The following ME1 variants were observed in gnomAD, a reference collection of about 807,000 sequenced individuals.
ME1 encodes malic enzyme 1.
In ME1, 74 loss-of-function variants were observed where a neutral mutation model predicts 66.4. The observed-to-expected ratio is 1.11, with a 90% CI of 0.92 to 1.35. The LOEUF (loss-of-function observed/expected upper bound fraction) is 1.35. ME1 is among the 40% of genes most tolerant of loss of function. The pLI is 0.00. For missense variants in ME1, 750 were observed against 694.1 expected, an observed-to-expected ratio of 1.08 and a Z score of -0.90; for synonymous variants, 251 against 235.6, an observed-to-expected ratio of 1.07 and a Z score of -0.60.
chr6:83,253,669 C>G lies in ME1; in HGVS notation c.774G>C (p.Lys258Asn), dbSNP rs1055548844. 1 of 1,611,902 alleles carries G rather than the reference C, an allele frequency of 6.2e-7. No individual in the cohort carries two copies. Among genetic ancestry groups the G allele is most frequent in the African/African-American group, 1.3e-5 (1 of 74,852 alleles). The change falls in exon 7 of 14, where the codon AAG becomes AAC. Residue 258 changes from lysine (K) to asparagine (N), a missense_variant. Transcript: ENST00000369705. ...ANVNAFRLLN[K>N]YRNQYCTFND... ...TGAATGTGCAATACTGGTTTCGATA[C>G]TTGTTCAGGAGACGAAATGCATTCA...
intron 6 of ME1, among the ~76,000 whole-genome samples, chr6:83,255,742 T>C (rs1377696778): frequency 6.6e-6 from 1 of 152,102 alleles, no homozygotes; most frequent in African/African-American, 2.4e-5. Context: ...TTCTGTGCTT[T>C]CCCATTTTAT....
chr6:83,341,474 G>C (rs1418977021), intron 5 of ME1, among the ~76,000 whole-genome samples: 2 of 70,926 alleles, frequency 2.8e-5, no homozygotes, highest in African/African-American at 9.5e-5. Flanking sequence ...TGAAGAGTAC[G>C]TATACCTGTA....
chr6:83,350,971 C>CAAAAAAAAAAAAA (rs34259968), intron 4 of ME1, among the ~76,000 whole-genome samples: 1 of 55,794 alleles, frequency 1.8e-5, no homozygotes, highest in Non-Finnish European at 3.5e-5. Context: ...GTGGAGAAAG[C>CAAAAAAAAAAAAA]AAAAAAAAAA....
At chr6:83,334,318 C>G (rs1413751409) in intron 5 of ME1, among the ~76,000 whole-genome samples, 2 of 121,532 alleles carry the variant, frequency 1.6e-5, no homozygotes, top group African/African-American at 6.4e-5. Context: ...GGGTCCTACG[C>G]CCACGGAATC....
chr6:83,317,996 C>T (rs1178375301), intron 5 of ME1, among the ~76,000 whole-genome samples: 1 of 152,060 alleles, frequency 6.6e-6, no homozygotes, highest in Non-Finnish European at 1.5e-5. Flanking sequence ...GAAATAACGC[C>T]ACATATCTAC....
At chr6:83,257,140 A>G (rs1766788488) in intron 6 of ME1, among the ~76,000 whole-genome samples, 2 of 152,110 alleles carry the variant, frequency 1.3e-5, no homozygotes, top group African/African-American at 2.4e-5. Flanking sequence ...ATGTATACCT[A>G]TGTAACAAAC....
intron 6 of ME1, among the ~76,000 whole-genome samples, chr6:83,260,345 TA>T (rs959811341): frequency 5.3e-5 from 8 of 152,170 alleles, no homozygotes; most frequent in Non-Finnish European, 1.2e-4. Context: ...AAAAAGCATT[TA>T]AAAAATCCTC....
At chr6:83,267,328 C>T (rs756965102) in intron 6 of ME1, among the ~76,000 whole-genome samples, 8 of 152,068 alleles carry the variant, frequency 5.3e-5, no homozygotes, top group Non-Finnish European at 8.8e-5. Context: ...ATTCCTTGTG[C>T]AATTCTAAAT....
At chr6:83,355,841 T>C (rs1034775394) in intron 3 of ME1, among the ~76,000 whole-genome samples, 2 of 152,144 alleles carry the variant, frequency 1.3e-5, no homozygotes, top group African/African-American at 4.8e-5. Context: ...TTTTAATGAA[T>C]GGAATTATAA....
intron 5 of ME1, among the ~76,000 whole-genome samples, chr6:83,329,910 G>A (rs1266009576): frequency 6.6e-5 from 10 of 151,952 alleles, no homozygotes; most frequent in South Asian, 2.1e-4. Flanking sequence ...CTATAGCCTC[G>A]AACTCCGAGA....
At chr6:83,314,348 CATT>C (rs1366785874) in intron 6 of ME1, among the ~76,000 whole-genome samples, 2 of 152,136 alleles carry the variant, frequency 1.3e-5, no homozygotes, top group Admixed American at 6.6e-5. Flanking sequence ...ACCCTGAACA[CATT>C]ATTTTTTTCA....
At chr6:83,326,232 A>T (rs1768288597) in intron 5 of ME1, among the ~76,000 whole-genome samples, 1 of 152,190 alleles carries the variant, frequency 6.6e-6, no homozygotes, top group South Asian at 2.1e-4. Context: ...ACTTATACAA[A>T]AATTAACTCA....
At chr6:83,365,158 T>C (rs575420798) in intron 3 of ME1, among the ~76,000 whole-genome samples, 1 of 152,282 alleles carries the variant, frequency 6.6e-6, no homozygotes, top group East Asian at 1.9e-4. Context: ...AGCGGCACGA[T>C]GTTGGCTCAC....
rs147870519 is a variant in ME1, at chr6:83,361,594, T to C, written c.363-9455A>G. On this transcript the variant is annotated intron_variant, in intron 3 of 13. Transcript: ENST00000369705. ...GTTTGGAGCCTTTGGCAAGCCGCCA[T>C]AGGTGAATCACAGTGGTGGCCTCTA... is the stretch of plus-strand genomic sequence containing the variant. 5.4e-4 allele frequency among the ~76,000 whole-genome samples: 83 copies of C among 152,340 alleles called. 1 individual carries two copies. Among genetic ancestry groups the C allele is most frequent in the African/African-American group, 1.8e-3 (76 of 41,572 alleles).
At chr6:83,310,841 G>A (rs573486886) in intron 6 of ME1, among the ~76,000 whole-genome samples, 1 of 152,278 alleles carries the variant, frequency 6.6e-6, no homozygotes, top group African/African-American at 2.4e-5. Flanking sequence ...TTCTGTAGCT[G>A]CTGGGTAGAG....
intron 5 of ME1, among the ~76,000 whole-genome samples, chr6:83,328,049 A>G (rs1768335595): frequency 6.6e-6 from 1 of 152,226 alleles, no homozygotes; most frequent in South Asian, 2.1e-4. Flanking sequence ...CACAACAGCA[A>G]AGACTTGGAA....
chr6:83,290,039 T>C (rs1473384438), intron 6 of ME1, among the ~76,000 whole-genome samples: 1 of 152,202 alleles, frequency 6.6e-6, no homozygotes, highest in African/African-American at 2.4e-5. Flanking sequence ...TTTATTAGTC[T>C]TGCTAGAGGG....
intron 5 of ME1, among the ~76,000 whole-genome samples, chr6:83,319,924 A>G (rs932902378): frequency 6.6e-6 from 1 of 152,212 alleles, no homozygotes; most frequent in Non-Finnish European, 1.5e-5. Flanking sequence ...GATATGTGGG[A>G]ACACAGAAAT....
chr6:83,251,311 G>C (rs1182024951), intron 7 of ME1, among the ~76,000 whole-genome samples: 1 of 151,784 alleles, frequency 6.6e-6, no homozygotes, highest in Non-Finnish European at 1.5e-5. Flanking sequence ...CCTGACCAAC[G>C]TGGCAAAAAC....
Sources: allele counts gnomAD v4.1 joint callset (sites outside exome capture counted in the v4.1 genomes callset), GRCh38; gene constraint gnomAD v4.1.1; transcripts MANE v1.5; gene names NCBI Gene and HGNC (gene_info 2026-07-23, HGNC 2026-07-21).